EGFLAM: variants seen among roughly 807,000 people sequenced by gnomAD.
The protein encoded by EGFLAM is pikachurin.
Under a neutral mutation model 113.1 loss-of-function variants are expected in EGFLAM, and 79 were observed. The ratio of observed to expected loss-of-function variants is 0.70; its 90% CI spans 0.58 to 0.84. EGFLAM has a LOEUF of 0.84. Ranked by LOEUF, EGFLAM falls within the 40% of genes least tolerant of loss-of-function variation. The probability of loss-of-function intolerance (pLI) is 0.00; values close to 1 mark genes in which losing one functional copy is unlikely to be tolerated. For synonymous variants in EGFLAM, 504 were observed against 487.6 expected, an observed-to-expected ratio of 1.03 and a Z score of -0.44; for missense variants, 1,265 against 1,291.6, an observed-to-expected ratio of 0.98 and a Z score of 0.32.
At chr5:38,321,875 T>TAA (rs1236424538) in intron 1 of EGFLAM, among the ~76,000 whole-genome samples, 2 of 152,172 alleles carry the variant, frequency 1.3e-5, no homozygotes, top group African/African-American at 4.8e-5. Flanking sequence ...ACATTTGTCT[T>TAA]AAAAACCTAC....
intron 13 of EGFLAM, among the ~76,000 whole-genome samples, chr5:38,425,827 T>C (rs972548739): frequency 6.6e-6 from 1 of 152,156 alleles, no homozygotes; most frequent in Non-Finnish European, 1.5e-5. Context: ...CAATTTCTGA[T>C]AAAAGATTGG....
intron 6 of EGFLAM, among the ~76,000 whole-genome samples, chr5:38,400,227 G>T (rs1196681044): frequency 6.6e-6 from 1 of 152,160 alleles, no homozygotes; most frequent in Admixed American, 6.5e-5. Flanking sequence ...ATATAGCTGA[G>T]AAACTCATTA....
At chr5:38,436,790 G>A (rs757186949) in intron 16 of EGFLAM, among the ~76,000 whole-genome samples, 1 of 152,206 alleles carries the variant, frequency 6.6e-6, no homozygotes, top group Non-Finnish European at 1.5e-5. Flanking sequence ...ATATTACGCA[G>A]TTTCATGGTC....
At chr5:38,417,354 A>G (rs1579901290) in intron 11 of EGFLAM, among the ~76,000 whole-genome samples, 1 of 147,572 alleles carries the variant, frequency 6.8e-6, no homozygotes, top group Non-Finnish European at 1.5e-5. Context: ...TCTCAAAAAA[A>G]AAAAAAAAAA....
At chr5:38,362,075 A>G (rs1411613427) in intron 5 of EGFLAM, among the ~76,000 whole-genome samples, 1 of 152,154 alleles carries the variant, frequency 6.6e-6, no homozygotes, top group Non-Finnish European at 1.5e-5. Flanking sequence ...CACCCACTAC[A>G]GAAATAAAAA....
chr5:38,344,618 T>C (rs757674619), intron 3 of EGFLAM, among the ~76,000 whole-genome samples: 88 of 152,288 alleles, frequency 5.8e-4, no homozygotes, highest in Non-Finnish European at 1.1e-3. Flanking sequence ...ATTAACAGTG[T>C]TTCTAATGAG....
At chr5:38,267,763 T>G in intron 1 of EGFLAM, among the ~76,000 whole-genome samples, 1 of 152,180 alleles carries the variant, frequency 6.6e-6, no homozygotes, top group South Asian at 2.1e-4. Context: ...TAGGCAGGAA[T>G]CCAGACTGAT....
intron 14 of EGFLAM, among the ~76,000 whole-genome samples, chr5:38,430,964 C>G (rs565627387): frequency 6.6e-6 from 1 of 152,282 alleles, no homozygotes; most frequent in African/African-American, 2.4e-5. Context: ...CCCTCCTCTT[C>G]CTTTTTGTTC....
chr5:38,392,662 T>C (rs778898759), intron 6 of EGFLAM, among the ~76,000 whole-genome samples: 42 of 151,810 alleles, frequency 2.8e-4, no homozygotes, highest in Admixed American at 4.6e-4. Flanking sequence ...TTTAATATCA[T>C]GGTTTAGTGT....
At chr5:38,444,357 A>C (rs921508312) in intron 17 of EGFLAM, among the ~76,000 whole-genome samples, 8 of 152,200 alleles carry the variant, frequency 5.3e-5, no homozygotes, top group Non-Finnish European at 8.8e-5. Flanking sequence ...AAGGATACAA[A>C]ATTACAGGGA....
intron 6 of EGFLAM, among the ~76,000 whole-genome samples, chr5:38,398,828 C>T (rs1579869016): frequency 2.0e-5 from 3 of 152,202 alleles, no homozygotes; most frequent in East Asian, 3.9e-4. Context: ...AAAGAGATGA[C>T]CCAGTTTCTG....
intron 6 of EGFLAM, among the ~76,000 whole-genome samples, chr5:38,375,060 GTTTTTTT>G (rs74821426): frequency 9.3e-6 from 1 of 107,742 alleles, no homozygotes; most frequent in Non-Finnish European, 1.9e-5. Context: ...CTCTGTTGTT[GTTTTTTT>G]TTTTTTTTTT....
Position 38,407,117 on chromosome 5 carries a change from T to A in EGFLAM, c.1118T>A (p.Leu373Gln). ...TWGGSRCQCT[L>Q]GKGGESCSED... ...GGGGGCTCGCGATGCCAGTGCACCC[T>A]GGGCAAAGGTGGTGAGAGCTGCTCA... Residue 373 changes from leucine to glutamine, a missense_variant, in exon 8 of 22, where the codon CTG becomes CAG. By Grantham distance (113) the Leu-to-Gln change is moderately radical. Coordinates refer to ENST00000322350, the MANE Select transcript of EGFLAM (RefSeq NM_152403.4). 2 of 1,613,922 alleles carry A rather than the reference T, an allele frequency of 1.2e-6. No homozygotes were observed. The highest frequency in any genetic ancestry group is 1.7e-6 in the Non-Finnish European group (2 of 1,180,024).
intron 10 of EGFLAM, among the ~76,000 whole-genome samples, chr5:38,409,856 G>T (rs924138912): frequency 6.6e-6 from 1 of 152,132 alleles, no homozygotes; most frequent in African/African-American, 2.4e-5. Flanking sequence ...GCTTATGTGT[G>T]GTCTTCCTGG....
At chr5:38,397,897 T>C (rs77452122) in intron 6 of EGFLAM, among the ~76,000 whole-genome samples, 30,584 of 152,082 alleles carry the variant, frequency 0.2, 3,615 homozygotes, top group African/African-American at 0.31. Flanking sequence ...ATCTACCTTA[T>C]CTTCCAATGT....
intron 11 of EGFLAM, among the ~76,000 whole-genome samples, chr5:38,416,549 A>G (rs552561951): frequency 6.6e-6 from 1 of 152,208 alleles, no homozygotes; most frequent in African/African-American, 2.4e-5. Context: ...TCTGAAATGT[A>G]AAAGCCAGGT....
At chr5:38,427,446 C>T in intron 14 of EGFLAM, 194 bp downstream of exon 14, 1 of 817,176 alleles carries the variant, frequency 1.2e-6, no homozygotes, top group Non-Finnish European at 1.8e-6. Context: ...CTCCTGCCCA[C>T]AAGGCTTCCT....
chr5:38,321,601 C>T (rs1738743202), intron 1 of EGFLAM, among the ~76,000 whole-genome samples: 1 of 152,208 alleles, frequency 6.6e-6, no homozygotes, highest in South Asian at 2.1e-4. Context: ...CTCTTTGGTG[C>T]TGCCACTGTC....
At chr5:38,260,882 C>T (rs756464480) in intron 1 of EGFLAM, among the ~76,000 whole-genome samples, 2 of 152,168 alleles carry the variant, frequency 1.3e-5, no homozygotes, top group Non-Finnish European at 2.9e-5. Flanking sequence ...CTGATGTGAG[C>T]AGCAACTAGC....
Sources: allele counts gnomAD v4.1 joint callset (sites outside exome capture counted in the v4.1 genomes callset), GRCh38; gene constraint gnomAD v4.1.1; transcripts MANE v1.5; gene names NCBI Gene and HGNC (gene_info 2026-07-23, HGNC 2026-07-21).